The following MAP3K7 variants were observed in gnomAD, a reference collection of about 807,000 sequenced individuals.
MAP3K7 encodes TGF-beta activated kinase 1.
Under a neutral mutation model 84.8 loss-of-function variants are expected in MAP3K7, and 21 were observed. That is an observed-to-expected ratio of 0.25 (90% confidence interval 0.18 to 0.36). The LOEUF (loss-of-function observed/expected upper bound fraction) is 0.36. MAP3K7 is among the 10% of genes least tolerant of loss of function. The pLI is 1.00. For missense variants in MAP3K7, 503 were observed against 747.7 expected, an observed-to-expected ratio of 0.67 and a Z score of 3.82; for synonymous variants, 241 against 247.7, an observed-to-expected ratio of 0.97 and a Z score of 0.25.
intron 5 of MAP3K7, 108 bp from the exon 6 acceptor site, chr6:90,556,732 T>C (rs1776349548): frequency 9.2e-7 from 1 of 1,088,270 alleles, no homozygotes; most frequent in South Asian, 1.7e-5. Flanking sequence ...AAAATGAATG[T>C]TATCATTCAA....
Position 90,516,500 on chromosome 6 carries a change from A to G in MAP3K7, c.*1T>C, listed in dbSNP as rs1774967460. 7.5e-6 allele frequency: 12 copies of G among 1,609,664 alleles called. No individual in the cohort carries two copies. The highest frequency in any genetic ancestry group is 1.0e-5 in the Non-Finnish European group (12 of 1,178,372). ...TTTCAAAATGTAACGGTCCCAGAGAATCATGAAGTGCCTTGTCGTTTCTGC... is the reference window on the plus strand; with the variant it reads ...TTTCAAAATGTAACGGTCCCAGAGAGTCATGAAGTGCCTTGTCGTTTCTGC... On this transcript the variant is annotated 3_prime_UTR_variant, in exon 17 of 17. Coordinates refer to ENST00000369329, the MANE Select transcript of MAP3K7 (RefSeq NM_145331.3).
rs188226349 is a variant in MAP3K7 at position 90,580,922 on chromosome 6, G to A, written c.120+5842C>T. Among the ~76,000 whole-genome samples, 11 of 152,182 alleles carry A rather than the reference G, an allele frequency of 7.2e-5. No individual in the cohort carries two copies. The East Asian group carries it at 2.1e-3, about 29-fold the overall frequency. On this transcript the variant is annotated intron_variant, in intron 1 of 16. Coordinates refer to ENST00000369329, the MANE Select transcript of MAP3K7 (RefSeq NM_145331.3). The stretch of plus-strand genomic sequence containing the variant: ...TATGATAAGCATTTCTCCCCCTATG[G>A]TTGAAACCTCTTTGTTTTGGGTCTA...
intron 10 of MAP3K7, among the ~76,000 whole-genome samples, 195 bp from the exon 11 acceptor site, chr6:90,547,582 C>T (rs1245536349): frequency 6.6e-6 from 1 of 152,174 alleles, no homozygotes; most frequent in Admixed American, 6.5e-5. Flanking sequence ...TATGAAAAGG[C>T]AGTCACTAGA....
chr6:90,550,449 T>C lies in MAP3K7; in HGVS notation c.949+19A>G, dbSNP rs1348890095. The stretch of plus-strand genomic sequence containing the variant: ...TGAAAGAAAAATCAAGTCAATACTC[T>C]TCCAATCTATCCATTTACCTGTACT... On this transcript the variant is annotated intron_variant, in intron 9 of 16. Transcript: ENST00000369329. The C allele has an allele frequency of 2.6e-6, 4 of 1,532,260 alleles. No individual in the cohort carries two copies. Among genetic ancestry groups the C allele is most frequent in the Non-Finnish European group, 3.6e-6 (4 of 1,111,728 alleles). The allele number at this position is 1,532,260 out of a possible 1,614,324, so 94.9% of individuals were successfully genotyped here.
At chr6:90,534,547 A>T (rs1775604732) in intron 13 of MAP3K7, among the ~76,000 whole-genome samples, 1 of 152,164 alleles carries the variant, frequency 6.6e-6, no homozygotes, top group Admixed American at 6.5e-5. Flanking sequence ...GTGGTCTATG[A>T]CAATTCCACA....
At chr6:90,561,404 G>A (rs1483056318) in intron 4 of MAP3K7, among the ~76,000 whole-genome samples, 2 of 152,008 alleles carry the variant, frequency 1.3e-5, no homozygotes, top group Non-Finnish European at 1.5e-5. Context: ...GAAATGCAAA[G>A]TACCATCTAC....
At position 90,513,987 on chromosome 6, in the gene MAP3K7, A is replaced by T. The variant is rs1055137157; in HGVS notation, c.*2514T>A. Reference sequence around the variant, plus strand: ...GATTATTATTCAACTCAAAAAAGTGATTTTTATTGCTCACGAATACTTCCC... The same window carrying T: ...GATTATTATTCAACTCAAAAAAGTGTTTTTTATTGCTCACGAATACTTCCC... On this transcript the variant is annotated 3_prime_UTR_variant, in exon 17 of 17. Coordinates refer to ENST00000369329, the MANE Select transcript of MAP3K7 (RefSeq NM_145331.3). 1 of 152,178 alleles carries T rather than the reference A, an allele frequency of 6.6e-6. No individual in the cohort carries two copies. The highest frequency in any genetic ancestry group is 1.5e-5 in the Non-Finnish European group (1 of 67,964). The allele number at this position is 152,178 out of a possible 1,614,324, so 9.4% of individuals were successfully genotyped here.
intron 4 of MAP3K7, 147 bp from the exon 5 acceptor site, chr6:90,560,361 CTTT>C: frequency 1.2e-6 from 1 of 861,450 alleles, no homozygotes; most frequent in Non-Finnish European, 1.7e-6. Flanking sequence ...TTTTTACTTT[CTTT>C]TTTCTTTTTG....
intron 13 of MAP3K7, among the ~76,000 whole-genome samples, chr6:90,534,205 C>A (rs806284): frequency 0.24 from 36,340 of 152,052 alleles, 4,634 homozygotes; most frequent in Middle Eastern, 0.29. Context: ...AAGGATGGCA[C>A]CTTCCAATTT....
intron 1 of MAP3K7, 21 bp downstream of exon 1, chr6:90,586,743 T>G (rs774687836): frequency 2.6e-6 from 4 of 1,566,236 alleles, no homozygotes; most frequent in Non-Finnish European, 3.5e-6. Context: ...GACCGGCGTC[T>G]CCATGCCGGG....
rs1168457108 is a variant in MAP3K7 at position 90,560,386 on chromosome 6, G to A, written c.344-172C>T. On this transcript the variant is annotated intron_variant, in intron 4 of 16. Coordinates refer to ENST00000369329, the MANE Select transcript of MAP3K7 (RefSeq NM_145331.3). ...CTTTTTTCTTTTTGTTTTTTGAGAC[G>A]GACTCTCACTTTGTCGCCAGGCTGG... 6.6e-5 allele frequency among the ~76,000 whole-genome samples: 10 copies of A among 151,750 alleles called. No individual in the cohort carries two copies. The East Asian group carries it at 7.7e-4, about 12-fold the overall frequency.
Position 90,525,999 on chromosome 6 carries a change from A to G in MAP3K7, c.1357-2216T>C, listed in dbSNP as rs548969341. ...GAGTAGCTGGGACTACAGTTACATG[A>G]TATTGCACTTGGCTAATTTTTAAAC... On this transcript the variant is annotated intron_variant, in intron 13 of 16. Transcript: ENST00000369329. 5.9e-5 allele frequency among the ~76,000 whole-genome samples: 9 copies of G among 152,150 alleles called. No individual in the cohort carries two copies. The East Asian group carries it at 1.7e-3, about 29-fold the overall frequency.
intron 11 of MAP3K7, among the ~76,000 whole-genome samples, chr6:90,546,887 AT>A (rs1338997995): frequency 2.0e-5 from 3 of 152,188 alleles, no homozygotes; most frequent in Non-Finnish European, 4.4e-5. Context: ...ATTTGCTATT[AT>A]TTGAGTTCAG....
chr6:90,554,269 T>C (rs1382611392), intron 6 of MAP3K7, among the ~76,000 whole-genome samples: 1 of 152,202 alleles, frequency 6.6e-6, no homozygotes, highest in Non-Finnish European at 1.5e-5. Flanking sequence ...ACTACTCTGC[T>C]ATCAAAGCAG....
At chr6:90,569,231 T>G (rs981394819) in intron 2 of MAP3K7, among the ~76,000 whole-genome samples, 1 of 152,164 alleles carries the variant, frequency 6.6e-6, no homozygotes, top group Non-Finnish European at 1.5e-5. Flanking sequence ...TTAGTCTATC[T>G]GACTTAAAAT....
intron 3 of MAP3K7, among the ~76,000 whole-genome samples, chr6:90,568,340 T>C (rs1453804976): frequency 2.0e-5 from 3 of 152,298 alleles, no homozygotes; most frequent in African/African-American, 4.8e-5. Flanking sequence ...TGACATATTG[T>C]GCGTGTATAA....
intron 5 of MAP3K7, among the ~76,000 whole-genome samples, chr6:90,559,752 TG>T (rs1776447848): frequency 6.6e-6 from 1 of 152,202 alleles, no homozygotes; most frequent in Admixed American, 6.5e-5. Context: ...GACCTATCTC[TG>T]CCCCCAAGGA....
rs1217973285 is a variant in MAP3K7 at position 90,548,171 on chromosome 6, A to C, written c.956T>G (p.Phe319Cys). 6.2e-7 allele frequency: 1 copy of C among 1,608,926 alleles called. No individual in the cohort carries two copies. The highest frequency in any genetic ancestry group is 2.2e-5 in the East Asian group (1 of 44,654). Reference protein sequence around the residue: ...QSNSATSTGSFMDIASTNTSN... With the variant: ...QSNSATSTGSCMDIASTNTSN... ...CGTATTTGTAGAAGCAATGTCCATG[A>C]ATGAGCCTAGGAAAAGCAGAAACAT... Residue 319 changes from phenylalanine (F) to cysteine (C), a missense_variant, in exon 10 of 17, where the codon TTC becomes TGC. Phe to Cys is a radical substitution (Grantham distance 205). This residue lies in a region of MAP3K7 where 286 missense variants were observed against 313.6 expected (regional missense o/e 0.91). Coordinates refer to ENST00000369329, the MANE Select transcript of MAP3K7 (RefSeq NM_145331.3).
At chr6:90,536,533 T>A in intron 12 of MAP3K7, 132 bp from the exon 13 acceptor site, 1 of 620,400 alleles carries the variant, frequency 1.6e-6, no homozygotes, top group Non-Finnish European at 2.8e-6. Context: ...GAAAAAAAAG[T>A]GAGTTTATTG....
Sources: gnomAD v4.1 joint callset for allele counts (sites outside exome capture counted in the v4.1 genomes callset) on GRCh38, gnomAD v4.1.1 for gene constraint, gnomAD v4.1.1 regional missense constraint, MANE v1.5 for transcripts, NCBI Gene and HGNC (gene_info 2026-07-23, HGNC 2026-07-21) for gene names.